The following PKD1L3 variants were observed in gnomAD, a reference collection of about 807,000 sequenced individuals.
PKD1L3 encodes the protein polycystin-1-like protein 3.
Under a neutral mutation model 184.1 loss-of-function variants are expected in PKD1L3, and 239 were observed. That is an observed-to-expected ratio of 1.30 (90% CI 1.17 to 1.45). PKD1L3 has a LOEUF of 1.45. PKD1L3 is among the 40% of genes most tolerant of loss of function. The pLI, the probability that PKD1L3 is intolerant of heterozygous loss-of-function variation, is 0.00. For synonymous variants in PKD1L3, 996 were observed against 778.8 expected (o/e 1.28, Z -4.64); for missense variants, 2,660 against 2,067.2 (o/e 1.29, Z -5.56).
At chr16:71,959,257 A>G (rs1346695572) in intron 16 of PKD1L3, among the ~76,000 whole-genome samples, 1 of 151,980 alleles carries the variant, frequency 6.6e-6, no homozygotes, top group Non-Finnish European at 1.5e-5. Context: ...CTAAAAATAC[A>G]AAATTAGTCG....
chr16:71,977,097 C>T (rs528039655), intron 11 of PKD1L3, 139 bp downstream of exon 11: 10 of 686,864 alleles, frequency 1.5e-5, no homozygotes, highest in African/African-American at 1.3e-4. Context: ...CTTGTAGTCC[C>T]AGCTACTTAA....
intron 3 of PKD1L3, among the ~76,000 whole-genome samples, chr16:71,992,401 AC>A (rs2040623216): frequency 6.6e-6 from 1 of 152,256 alleles, no homozygotes; most frequent in African/African-American, 2.4e-5. Flanking sequence ...GCCACATGTT[AC>A]GTAAGGTAAT....
chr16:71,996,932 C>T (rs893510668), intron 2 of PKD1L3, among the ~76,000 whole-genome samples: 9 of 147,258 alleles, frequency 6.1e-5, no homozygotes, highest in African/African-American at 1.0e-4. Context: ...GAGCCTTGGA[C>T]GGACTCCAAA....
At chr16:71,952,200 T>A (rs989792323) in intron 18 of PKD1L3, among the ~76,000 whole-genome samples, 4 of 117,584 alleles carry the variant, frequency 3.4e-5, no homozygotes, top group African/African-American at 9.4e-5. Flanking sequence ...ATGTCATTTT[T>A]TTTTTTTTTT....
At chr16:71,972,431 C>T (rs2039750925) in intron 12 of PKD1L3, among the ~76,000 whole-genome samples, 1 of 151,730 alleles carries the variant, frequency 6.6e-6, no homozygotes, top group Admixed American at 6.6e-5. Flanking sequence ...CCTCCTCCTC[C>T]TTCTGGCCTC....
At chr16:71,949,144 T>A (rs917820431) in intron 21 of PKD1L3, among the ~76,000 whole-genome samples, 1 of 152,138 alleles carries the variant, frequency 6.6e-6, no homozygotes, top group Non-Finnish European at 1.5e-5. Flanking sequence ...ATTGTACTAG[T>A]CTCTACACTT....
At chr16:71,943,699 G>A (rs2038450464) in intron 23 of PKD1L3, among the ~76,000 whole-genome samples, 1 of 152,144 alleles carries the variant, frequency 6.6e-6, no homozygotes, top group African/African-American at 2.4e-5. Context: ...ATCCAATAAT[G>A]AACTAGATGT....
Position 71,973,512 on chromosome 16 carries a change from C to T in PKD1L3, c.1765G>A (p.Glu589Lys), listed in dbSNP as rs1226047447. The T allele has an allele frequency of 1.3e-6, 2 of 1,551,086 alleles. No individual in the cohort carries two copies. The highest frequency in any genetic ancestry group is 1.2e-5 in the South Asian group (1 of 84,030). ...PKDKVWQKDE[E>K]YTWVLNPEHL... ...TCTGGATTCAGCACCCACGTGTACTCCTCATCTTAGAACAAAGAAGAGTGC... is the reference window on the plus strand; with the variant it reads ...TCTGGATTCAGCACCCACGTGTACTTCTCATCTTAGAACAAAGAAGAGTGC... Residue 589 changes from glutamate (E) to lysine (K), a missense_variant, in exon 12 of 30, where the codon GAG (glutamate) becomes AAG (lysine). By Grantham distance (56) the Glu-to-Lys change is moderately conservative. Coordinates refer to ENST00000620267, the MANE Select transcript of PKD1L3 (RefSeq NM_181536.2).
chr16:71,978,724 G>C (rs2040033638), intron 9 of PKD1L3, among the ~76,000 whole-genome samples: 1 of 151,648 alleles, frequency 6.6e-6, no homozygotes, highest in Non-Finnish European at 1.5e-5. Context: ...ATTTTTAGTA[G>C]AGACAGGGTT....
chr16:71,996,253 CTTTTTTTT>C (rs67457253), intron 2 of PKD1L3, among the ~76,000 whole-genome samples: 1 of 67,862 alleles, frequency 1.5e-5, no homozygotes, highest in African/African-American at 6.6e-5. Context: ...CCTCCCCCGC[CTTTTTTTT>C]TTTTTTTTTT....
At chr16:71,954,047 C>T (rs1292011864) in intron 17 of PKD1L3, 58 bp downstream of exon 17, 5 of 1,356,300 alleles carry the variant, frequency 3.7e-6, no homozygotes, top group Non-Finnish European at 4.9e-6. Context: ...AAGACCCTGT[C>T]TCAAAAAAAA....
intron 15 of PKD1L3, 144 bp from the exon 16 acceptor site, chr16:71,963,495 G>T: frequency 1.1e-6 from 1 of 897,494 alleles, no homozygotes; most frequent in Non-Finnish European, 1.6e-6. Flanking sequence ...AGGAAAGAAA[G>T]TTGAGGCCAG....
intron 3 of PKD1L3, among the ~76,000 whole-genome samples, chr16:71,991,872 C>T (rs566435714): frequency 3.9e-5 from 6 of 152,324 alleles, no homozygotes; most frequent in South Asian, 2.1e-4. Context: ...GCCTGGAGTG[C>T]GGTATGGCTC....
At position 71,986,467 on chromosome 16, in the gene PKD1L3, G is replaced by A. The variant is rs1011166979; in HGVS notation, c.588C>T (p.Ser196=). ...GGCTGATGGGATGACACAGGGTCTT[G>A]GACTAAAAGATAAAAATATGTAAAG... The part of the protein sequence containing the change: ...TCHYPLPAHL[S]KTLCHPISQF... Residue 196 remains serine (S), a splice_region_variant and synonymous_variant, in exon 5 of 30, where the codon TCC becomes TCT. Transcript: ENST00000620267. 1 of 1,546,056 alleles carries A rather than the reference G, an allele frequency of 6.5e-7. No individual in the cohort carries two copies.
chr16:71,997,419 C>A (rs1002553706), intron 2 of PKD1L3, among the ~76,000 whole-genome samples: 18 of 151,400 alleles, frequency 1.2e-4, no homozygotes, highest in African/African-American at 3.2e-4. Flanking sequence ...AGACCCCCCC[C>A]CCCACAACCA....
At chr16:71,966,170 C>T (rs1356304881) in intron 15 of PKD1L3, among the ~76,000 whole-genome samples, 3 of 152,102 alleles carry the variant, frequency 2.0e-5, no homozygotes, top group African/African-American at 4.8e-5. Context: ...AGATTGAGTG[C>T]CTGAGCCTTA....
At chr16:71,930,447 T>C in intron 28 of PKD1L3, 1 of 298,966 alleles carries the variant, frequency 3.3e-6, no homozygotes, top group Non-Finnish European at 6.1e-6. Flanking sequence ...TTGGAAATGA[T>C]TCAAATGTCA....
At chr16:71,972,416 A>C (rs56402855) in intron 12 of PKD1L3, among the ~76,000 whole-genome samples, 63,644 of 151,300 alleles carry the variant, frequency 0.42, 13,758 homozygotes, top group African/African-American at 0.48. Context: ...AATCATCATC[A>C]TCCTCCTCCT....
At chr16:71,981,122 T>C (rs1386135726) in intron 7 of PKD1L3, among the ~76,000 whole-genome samples, 2 of 152,220 alleles carry the variant, frequency 1.3e-5, no homozygotes, top group Non-Finnish European at 2.9e-5. Context: ...AGCCATCCAT[T>C]AGATCATAGA....
Sources: allele counts gnomAD v4.1 joint callset (sites outside exome capture counted in the v4.1 genomes callset), GRCh38; gene constraint gnomAD v4.1.1; transcripts MANE v1.5; gene names NCBI Gene and HGNC (gene_info 2026-07-23, HGNC 2026-07-21).